The following OTOF variants were observed in gnomAD, a reference collection of about 807,000 sequenced individuals.
OTOF encodes otoferlin.
Under a neutral mutation model 236.8 loss-of-function variants are expected in OTOF, and 218 were observed. That is an observed-to-expected ratio of 0.92 (90% confidence interval 0.82 to 1.03). OTOF has a LOEUF of 1.03. Ranked by LOEUF, OTOF falls within the 50% of genes least tolerant of loss-of-function variation. OTOF has a pLI of 0.00. For synonymous variants in OTOF, 1,041 were observed against 1,072.5 expected (o/e 0.97, Z 0.57); for missense variants, 2,590 against 2,694.4 (o/e 0.96, Z 0.86).
intron 11 of OTOF, among the ~76,000 whole-genome samples, chr2:26,486,064 C>A (rs992255630): frequency 6.6e-6 from 1 of 152,124 alleles, no homozygotes; most frequent in African/African-American, 2.4e-5. Flanking sequence ...AGCTGCCTGG[C>A]CGGCTGAGAG....
At chr2:26,517,168 A>G (rs1388354095) in intron 4 of OTOF, among the ~76,000 whole-genome samples, 2 of 152,104 alleles carry the variant, frequency 1.3e-5, no homozygotes, top group South Asian at 2.1e-4. Context: ...CAAAAAGTAG[A>G]GCACTCAACC....
chr2:26,512,998 G>A (rs1474511928), intron 5 of OTOF, among the ~76,000 whole-genome samples: 1 of 152,184 alleles, frequency 6.6e-6, no homozygotes, highest in Admixed American at 6.5e-5. Flanking sequence ...ACATTACCGG[G>A]GGCATTGTGC....
chr2:26,498,145 T>C lies in OTOF; in HGVS notation c.766-3072A>G, dbSNP rs576639157. Reference sequence around the variant, plus strand: ...GCATGGCCATAAGACAGGCTACTTCTCCCTGTCCCCCTTTTCAGGCCTCAT... The same window carrying C: ...GCATGGCCATAAGACAGGCTACTTCCCCCTGTCCCCCTTTTCAGGCCTCAT... On this transcript the variant is annotated intron_variant, in intron 8 of 46. Coordinates refer to ENST00000272371, the MANE Select transcript of OTOF (RefSeq NM_194248.3). Among the ~76,000 whole-genome samples, 98 of 152,320 alleles carry C rather than the reference T, an allele frequency of 6.4e-4. 1 individual carries two copies. Among genetic ancestry groups the C allele is most frequent in the African/African-American group, 2.0e-3 (84 of 41,572 alleles).
At chr2:26,489,170 C>A (rs746925809) in intron 11 of OTOF, 41 bp downstream of exon 11, 8 of 1,435,444 alleles carry the variant, frequency 5.6e-6, no homozygotes, top group Admixed American at 1.8e-5. Context: ...GCTCCCTGAG[C>A]CATGCACACC....
In OTOF at chr2:26,476,142, C is replaced by T. The variant is rs1275726195; in HGVS notation, c.2852G>A (p.Ser951Asn). 2 of 1,611,134 alleles carry T rather than the reference C, an allele frequency of 1.2e-6. No individual in the cohort carries two copies. The highest frequency in any genetic ancestry group is 2.7e-5 in the African/African-American group (2 of 74,856). Residue 951 changes from serine (S) to asparagine (N), a missense_variant, in exon 23 of 47, where the codon AGC becomes AAC. Physicochemically the swap from Ser to Asn is conservative, Grantham distance 46. Coordinates refer to ENST00000272371, the MANE Select transcript of OTOF (RefSeq NM_194248.3). Reference sequence around the variant, plus strand: ...TCCTCACTCACTGGTGTAGACCAGGCTGACGGGTGGGAAGGCATGCAGGCC... The same window carrying T: ...TCCTCACTCACTGGTGTAGACCAGGTTGACGGGTGGGAAGGCATGCAGGCC... ...GLGLHAFPPV[S>N]LVYTKKQAFQ...
intron 41 of OTOF, among the ~76,000 whole-genome samples, chr2:26,463,065 G>A (rs1005896419): frequency 1.3e-5 from 2 of 152,186 alleles, no homozygotes; most frequent in African/African-American, 2.4e-5. Context: ...ACGCAGGGCC[G>A]GCTCCCAGGG....
chr2:26,545,864 T>C (rs1667317974), intron 1 of OTOF, among the ~76,000 whole-genome samples: 1 of 152,220 alleles, frequency 6.6e-6, no homozygotes, highest in Non-Finnish European at 1.5e-5. Flanking sequence ...TTGGTCTATA[T>C]GTCTATTCTT....
At chr2:26,521,430 T>C (rs2148105796) in intron 3 of OTOF, among the ~76,000 whole-genome samples, 1 of 152,288 alleles carries the variant, frequency 6.6e-6, no homozygotes, top group Non-Finnish European at 1.5e-5. Flanking sequence ...CACAGAGGCG[T>C]CTGGTGCCTT....
chr2:26,521,882 A>G (rs1427752468), intron 3 of OTOF, among the ~76,000 whole-genome samples: 3 of 152,136 alleles, frequency 2.0e-5, no homozygotes, highest in Admixed American at 6.5e-5. Context: ...GACAGTGGTG[A>G]GGAGACTGCT....
At chr2:26,535,971 C>T (rs759855104) in intron 2 of OTOF, among the ~76,000 whole-genome samples, 11 of 152,228 alleles carry the variant, frequency 7.2e-5, no homozygotes, top group Admixed American at 1.3e-4. Flanking sequence ...CCTGGCTGAA[C>T]GCCTGGGCTG....
At chr2:26,518,338 G>C (rs1177592257) in intron 4 of OTOF, among the ~76,000 whole-genome samples, 2 of 152,240 alleles carry the variant, frequency 1.3e-5, no homozygotes, top group Non-Finnish European at 2.9e-5. Context: ...CTCACTTTGA[G>C]GTGATATGTA....
chr2:26,474,139 C>T (rs747684672), intron 26 of OTOF, 29 bp from the exon 27 acceptor site: 2 of 1,612,418 alleles, frequency 1.2e-6, no homozygotes, highest in South Asian at 1.1e-5. Flanking sequence ...AGGTCACACA[C>T]TGGGGAGCCC....
rs970719550 is a variant in OTOF at position 26,523,657 on chromosome 2, C to T, written c.227+4175G>A. Among the ~76,000 whole-genome samples, 4 of 152,232 alleles carry T rather than the reference C, an allele frequency of 2.6e-5. No individual in the cohort carries two copies. The East Asian group carries it at 7.7e-4, about 29-fold the overall frequency. On this transcript the variant is annotated intron_variant, in intron 3 of 46. Transcript: ENST00000272371. Reference sequence around the variant, plus strand: ...CCCACCTTGTATACCTACCCTCTGCCTCCTAACACCACAGGGGCATTTATT... The same window carrying T: ...CCCACCTTGTATACCTACCCTCTGCTTCCTAACACCACAGGGGCATTTATT...
intron 26 of OTOF, 48 bp from the exon 27 acceptor site, chr2:26,474,158 G>T: frequency 6.2e-7 from 1 of 1,610,898 alleles, no homozygotes; most frequent in Non-Finnish European, 8.5e-7. Context: ...CCAGGGACAG[G>T]GTCTCTTTCC....
In OTOF at chr2:26,555,387, C is replaced by T. The variant is rs569670063; in HGVS notation, c.79+3106G>A. 3.3e-5 allele frequency among the ~76,000 whole-genome samples: 5 copies of T among 152,336 alleles called. No individual in the cohort carries two copies. In the East Asian group the frequency reaches 9.7e-4, roughly 29 times the overall value. ...GGATTGTGACTCCTGGAGGGCCAGG[C>T]TGGCCCCTTCACCTCAGGGTCCCAG... On this transcript the variant is annotated intron_variant, in intron 1 of 46. Transcript: ENST00000272371.
chr2:26,475,986 A>G lies in OTOF; in HGVS notation c.2919T>C (p.Phe973=), dbSNP rs996547552. 6.2e-7 allele frequency: 1 copy of G among 1,612,544 alleles called. No homozygotes were observed. The highest frequency in any genetic ancestry group is 1.3e-5 in the African/African-American group (1 of 74,906). The change falls in exon 24 of 47, where the codon TTT becomes TTC. Residue 973 remains phenylalanine, a synonymous_variant. Transcript: ENST00000272371. ...CTGAGAGTCCGCTGCTGTCGGCGGC[A>G]AAGAGGCTGCGGGCCTGGTACATGT... is the stretch of plus-strand genomic sequence containing the variant. ...RAHMYQARSL[F]AADSSGLSDP... is the part of the protein sequence containing the mutation.
At chr2:26,489,597 C>G in intron 10 of OTOF, 81 bp downstream of exon 10, 1 of 1,206,754 alleles carries the variant, frequency 8.3e-7, no homozygotes, top group Non-Finnish European at 1.2e-6. Context: ...TGGGTCTAGA[C>G]AGAGGGGGCC....
chr2:26,462,099 C>T lies in OTOF; in HGVS notation c.5275G>A (p.Asp1759Asn). The change falls in exon 42 of 47, where the codon GAC (aspartate) becomes AAC (asparagine). Residue 1759 changes from aspartate (D) to asparagine (N), a missense_variant. By Grantham distance (23) the Asp-to-Asn change is conservative (BLOSUM62 1). Coordinates refer to ENST00000272371, the MANE Select transcript of OTOF (RefSeq NM_194248.3). The surrounding 1 kb of genome is among the most constrained non-coding windows in gnomAD (Gnocchi z 4.7). ...CTCACCCACCCCCTCACGAAGATGT[C>T]ACTGGACTTCTCCCCTGTGAAGAAG... is the stretch of plus-strand genomic sequence containing the variant. Reference protein sequence around the residue: ...DDFFTGEKSSDIFVRGWLKGQ... With the variant: ...DDFFTGEKSSNIFVRGWLKGQ... 6.2e-7 allele frequency: 1 copy of T among 1,609,300 alleles called. No individual in the cohort carries two copies. The highest frequency in any genetic ancestry group is 8.5e-7 in the Non-Finnish European group (1 of 1,177,836).
rs1255710513 is a variant in OTOF at position 26,494,944 on chromosome 2, C to T, written c.895G>A (p.Glu299Lys). Reference sequence around the variant, plus strand: ...CCTTTCCCCACAGGGCCACTGACCTCGTTGTAATAGGGGCAGTTAGTGGAC... The same window carrying T: ...CCTTTCCCCACAGGGCCACTGACCTTGTTGTAATAGGGGCAGTTAGTGGAC... Reference protein sequence around the residue: ...KESTNCPYYNEYFVFDFHVSP... With the variant: ...KESTNCPYYNKYFVFDFHVSP... The change falls in exon 9 of 47, where the codon GAG (glutamate) becomes AAG (lysine). Residue 299 changes from glutamate (E) to lysine (K), a missense_variant and splice_region_variant. By Grantham distance (56) the Glu-to-Lys change is moderately conservative. Coordinates refer to ENST00000272371, the MANE Select transcript of OTOF (RefSeq NM_194248.3). 5 of 1,613,994 alleles carry T rather than the reference C, an allele frequency of 3.1e-6. No homozygotes were observed. The highest frequency in any genetic ancestry group is 3.4e-6 in the Non-Finnish European group (4 of 1,179,988).
Sources: gnomAD v4.1 joint callset for allele counts (sites outside exome capture counted in the v4.1 genomes callset) on GRCh38, gnomAD v4.1.1 for gene constraint, Gnocchi (gnomAD v3.1) non-coding constraint, MANE v1.5 for transcripts, NCBI Gene and HGNC (gene_info 2026-07-23, HGNC 2026-07-21) for gene names.